The following SCHIP1 variants were observed in gnomAD, a reference collection of about 807,000 sequenced individuals.
The protein encoded by SCHIP1 is schwannomin interacting protein 1, also known as schwannomin-interacting protein 1.
A neutral mutation model predicts 29.7 loss-of-function variants in SCHIP1; 8 were observed. That is an observed-to-expected ratio of 0.27 (90% CI 0.16 to 0.49). The LOEUF (loss-of-function observed/expected upper bound fraction) is 0.49, where lower values mean the gene tolerates loss of function less well. Ranked by LOEUF, SCHIP1 falls within the 20% of genes least tolerant of loss-of-function variation. The pLI is 0.99. For synonymous variants in SCHIP1, 76 were observed against 94.9 expected, an observed-to-expected ratio of 0.80 and a Z score of 1.16; for missense variants, 193 against 294.6, an observed-to-expected ratio of 0.66 and a Z score of 2.52.
At chr3:159,298,640 G>A in the SCHIP1 span, among the ~76,000 whole-genome samples, 3 of 152,194 alleles carry the variant, frequency 2.0e-5, no homozygotes, top group South Asian at 6.2e-4. Context: ...TCCTAGTTTT[G>A]CAGATCAGAT....
chr3:159,725,114 G>A, the SCHIP1 span, among the ~76,000 whole-genome samples: 531 of 151,854 alleles, frequency 3.5e-3, 5 homozygotes, highest in African/African-American at 0.012. Flanking sequence ...ATTCATCTCA[G>A]TTTGATGCGG....
chr3:159,379,219 T>C, the SCHIP1 span, among the ~76,000 whole-genome samples: 1 of 148,928 alleles, frequency 6.7e-6, no homozygotes, highest in African/African-American at 2.6e-5. Flanking sequence ...TGGGTTTTTT[T>C]GGTTTTTGTT....
At chr3:159,740,420 G>A in the SCHIP1 span, among the ~76,000 whole-genome samples, 2 of 152,118 alleles carry the variant, frequency 1.3e-5, no homozygotes, top group Non-Finnish European at 2.9e-5. Context: ...TGGATGCTGG[G>A]CAGGTGGAAC....
the SCHIP1 span, among the ~76,000 whole-genome samples, chr3:159,422,900 C>T: frequency 6.6e-6 from 1 of 152,106 alleles, no homozygotes; most frequent in African/African-American, 2.4e-5. Flanking sequence ...ATGCTGCTGC[C>T]ATGAACATTC....
At chr3:159,713,265 A>AAAGAAAGAAAG in the SCHIP1 span, among the ~76,000 whole-genome samples, 2 of 151,436 alleles carry the variant, frequency 1.3e-5, no homozygotes, top group East Asian at 1.9e-4. Flanking sequence ...AGAAAGAAAG[A>AAAGAAAGAAAG]AAGAAAGAAA....
At chr3:159,575,218 C>T in the SCHIP1 span, among the ~76,000 whole-genome samples, 1 of 152,196 alleles carries the variant, frequency 6.6e-6, no homozygotes, top group Non-Finnish European at 1.5e-5. Flanking sequence ...CGGAGCTGTT[C>T]CTATTCAGCC....
the SCHIP1 span, among the ~76,000 whole-genome samples, chr3:159,775,274 T>G: frequency 3.3e-5 from 5 of 152,218 alleles, no homozygotes; most frequent in Non-Finnish European, 4.4e-5. Context: ...CAGGAAAGTG[T>G]GTGGGGTTGG....
the SCHIP1 span, among the ~76,000 whole-genome samples, chr3:159,329,192 TACAC>T: frequency 6.6e-6 from 1 of 151,858 alleles, no homozygotes; most frequent in Non-Finnish European, 1.5e-5. Flanking sequence ...CAAACATACA[TACAC>T]ACACACAACC....
At chr3:159,627,722 C>G in the SCHIP1 span, among the ~76,000 whole-genome samples, 1 of 152,148 alleles carries the variant, frequency 6.6e-6, no homozygotes, top group African/African-American at 2.4e-5. Context: ...TAGGCTGAAT[C>G]AAATTATTTT....
intron 2 of SCHIP1, among the ~76,000 whole-genome samples, chr3:159,870,567 C>A (rs1349636052): frequency 6.6e-6 from 1 of 151,862 alleles, no homozygotes; most frequent in Non-Finnish European, 1.5e-5. Flanking sequence ...TGCTAGCATA[C>A]CCAGTCTAAA....
the SCHIP1 span, among the ~76,000 whole-genome samples, chr3:159,401,702 G>A: frequency 6.6e-6 from 1 of 152,266 alleles, no homozygotes; most frequent in East Asian, 1.9e-4. Context: ...CATTGCTTTG[G>A]TGTTTTAGAC....
At chr3:159,820,062 G>A in the SCHIP1 span, among the ~76,000 whole-genome samples, 1 of 152,114 alleles carries the variant, frequency 6.6e-6, no homozygotes, top group African/African-American at 2.4e-5. Flanking sequence ...TTTTTTGGGG[G>A]GATCACATAG....
intron 3 of SCHIP1, chr3:159,886,612 C>T: frequency 3.5e-6 from 1 of 286,872 alleles, no homozygotes; most frequent in South Asian, 3.9e-5. Flanking sequence ...AAAATACAAA[C>T]ATTAGCTGAT....
At chr3:159,595,527 C>CCCTTCAGAGGT in the SCHIP1 span, among the ~76,000 whole-genome samples, 1 of 152,018 alleles carries the variant, frequency 6.6e-6, no homozygotes, top group Non-Finnish European at 1.5e-5. Flanking sequence ...CCTTCAGGAG[C>CCCTTCAGAGGT]CATGCAAACC....
At chr3:159,635,623 T>C in the SCHIP1 span, among the ~76,000 whole-genome samples, 11 of 152,200 alleles carry the variant, frequency 7.2e-5, no homozygotes, top group African/African-American at 2.4e-4. Flanking sequence ...AGAAAATGAA[T>C]GATGAATGAC....
the SCHIP1 span, among the ~76,000 whole-genome samples, chr3:159,717,587 G>A: frequency 1.3e-5 from 2 of 152,156 alleles, no homozygotes; most frequent in African/African-American, 4.8e-5. Context: ...TACCATCAGA[G>A]AATACTATAA....
the SCHIP1 span, among the ~76,000 whole-genome samples, chr3:159,544,360 A>G: frequency 1.3e-5 from 2 of 152,028 alleles, no homozygotes; most frequent in Non-Finnish European, 2.9e-5. Context: ...TCTTACACAT[A>G]TTGGACATAT....
the SCHIP1 span, among the ~76,000 whole-genome samples, chr3:159,386,511 C>G: frequency 6.6e-6 from 1 of 152,128 alleles, no homozygotes; most frequent in Non-Finnish European, 1.5e-5. Context: ...ATCAAACTAC[C>G]ATTGACTTTC....
chr3:159,580,141 T>G, the SCHIP1 span, among the ~76,000 whole-genome samples: 2 of 152,114 alleles, frequency 1.3e-5, no homozygotes, highest in Non-Finnish European at 2.9e-5. Flanking sequence ...TGCAGAAAAT[T>G]TCCATATTTA....
Sources: gnomAD v4.1 joint callset for allele counts (sites outside exome capture counted in the v4.1 genomes callset) on GRCh38, gnomAD v4.1.1 for gene constraint, MANE v1.5 for transcripts, NCBI Gene and HGNC (gene_info 2026-07-23, HGNC 2026-07-21) for gene names.